The following SUCLG2 variants were observed in gnomAD, a reference collection of about 807,000 sequenced individuals.
The protein encoded by SUCLG2 is succinate-CoA ligase GDP-forming subunit beta.
A neutral mutation model predicts 47.9 loss-of-function variants in SUCLG2; 42 were observed. The ratio of observed to expected loss-of-function variants is 0.88; its 90% CI spans 0.69 to 1.14. SUCLG2 has a LOEUF of 1.14. Among genes scored for constraint, SUCLG2 ranks in the 50% most tolerant of loss-of-function variants. SUCLG2 has a pLI of 0.00. For missense variants in SUCLG2, 571 were observed against 525.9 expected (o/e 1.09, Z -0.84); for synonymous variants, 195 against 197.3 (o/e 0.99, Z 0.10).
At chr3:67,401,741 A>T (rs1702688245) in intron 9 of SUCLG2, among the ~76,000 whole-genome samples, 2 of 152,210 alleles carry the variant, frequency 1.3e-5, no homozygotes, top group Non-Finnish European at 2.9e-5. Context: ...AGGCATCAAA[A>T]TTCCAACAGT....
intron 10 of SUCLG2, among the ~76,000 whole-genome samples, chr3:67,395,587 T>A (rs1198387301): frequency 6.6e-6 from 1 of 152,098 alleles, no homozygotes; most frequent in Non-Finnish European, 1.5e-5. Context: ...CTTTAACACC[T>A]CACTGTCAAC....
In SUCLG2 at chr3:67,595,923, T is replaced by C. The variant is rs115255764; in HGVS notation, c.226+13532A>G. ...CTCTTTGTCTTGAAAAGGAAAAGAA[T>C]TGCATAAAGGTAAAACAAGATGAAT... On this transcript the variant is annotated intron_variant, in intron 2 of 10. Transcript: ENST00000307227. 6.6e-3 allele frequency among the ~76,000 whole-genome samples: 1,006 copies of C among 152,322 alleles called. 10 individuals are homozygous for C. The highest frequency in any genetic ancestry group is 0.022 in the African/African-American group (931 of 41,576).
At chr3:67,571,992 G>A (rs749425388) in intron 2 of SUCLG2, among the ~76,000 whole-genome samples, 1 of 152,118 alleles carries the variant, frequency 6.6e-6, no homozygotes, top group Non-Finnish European at 1.5e-5. Flanking sequence ...CAATGACAAA[G>A]GAAACAATCA....
At chr3:67,381,367 T>C (rs1406036146) in intron 10 of SUCLG2, among the ~76,000 whole-genome samples, 1 of 152,188 alleles carries the variant, frequency 6.6e-6, no homozygotes, top group Non-Finnish European at 1.5e-5. Flanking sequence ...GTTATTTTCT[T>C]CTTAATTCAC....
chr3:67,427,076 T>C (rs1024298572), intron 9 of SUCLG2, among the ~76,000 whole-genome samples: 3 of 152,234 alleles, frequency 2.0e-5, no homozygotes, highest in Admixed American at 1.3e-4. Context: ...AAAGGTTTTA[T>C]ATATTACCTG....
chr3:67,414,932 T>G (rs1396376492), intron 9 of SUCLG2, among the ~76,000 whole-genome samples: 8 of 152,208 alleles, frequency 5.3e-5, no homozygotes, highest in Admixed American at 1.3e-4. Flanking sequence ...CACAGCTCAT[T>G]GCAGACTTGA....
intron 10 of SUCLG2, 147 bp downstream of exon 10, chr3:67,400,584 G>C: frequency 2.1e-6 from 2 of 959,800 alleles, no homozygotes; most frequent in Non-Finnish European, 2.9e-6. Context: ...TAGAGGCCCA[G>C]GGAAGTCCTG....
At chr3:67,482,677 T>C (rs551192526) in intron 9 of SUCLG2, among the ~76,000 whole-genome samples, 12 of 152,120 alleles carry the variant, frequency 7.9e-5, no homozygotes, top group Non-Finnish European at 1.8e-4. Flanking sequence ...TATGAGGTGA[T>C]TTTGGTGTTT....
chr3:67,460,197 T>C (rs565328524), intron 9 of SUCLG2, among the ~76,000 whole-genome samples: 1 of 152,348 alleles, frequency 6.6e-6, no homozygotes, highest in East Asian at 1.9e-4. Flanking sequence ...GATTGAAGTC[T>C]TATTATTTCC....
intron 10 of SUCLG2, among the ~76,000 whole-genome samples, chr3:67,388,719 G>A (rs573090050): frequency 2.0e-5 from 3 of 152,326 alleles, no homozygotes; most frequent in African/African-American, 7.2e-5. Flanking sequence ...ACAAAAGTCA[G>A]TGCCTAGTGT....
chr3:67,634,268 C>T (rs1251949765), intron 1 of SUCLG2, among the ~76,000 whole-genome samples: 1 of 152,138 alleles, frequency 6.6e-6, no homozygotes, highest in African/African-American at 2.4e-5. Context: ...CTACCATCAC[C>T]AAGGTTACTA....
At chr3:67,423,596 T>C (rs1703226519) in intron 9 of SUCLG2, among the ~76,000 whole-genome samples, 1 of 152,156 alleles carries the variant, frequency 6.6e-6, no homozygotes, top group African/African-American at 2.4e-5. Flanking sequence ...CCTCACCTCT[T>C]GGAGCCCAAA....
chr3:67,404,124 T>C (rs1575673740), intron 9 of SUCLG2, among the ~76,000 whole-genome samples: 1 of 152,158 alleles, frequency 6.6e-6, no homozygotes, highest in East Asian at 1.9e-4. Flanking sequence ...CCTCTACTGA[T>C]CCTCCTGCCT....
chr3:67,390,111 C>A (rs1331080234), intron 10 of SUCLG2, among the ~76,000 whole-genome samples: 2 of 152,206 alleles, frequency 1.3e-5, no homozygotes, highest in African/African-American at 4.8e-5. Flanking sequence ...TTATCACAGT[C>A]TGAAGAACTG....
intron 9 of SUCLG2, among the ~76,000 whole-genome samples, chr3:67,406,553 GAAA>G (rs1702815036): frequency 2.0e-5 from 3 of 152,122 alleles, no homozygotes; most frequent in Admixed American, 2.0e-4. Flanking sequence ...AAGAGAGGGA[GAAA>G]AGTATCTTAA....
chr3:67,515,918 T>C (rs1705931911), intron 6 of SUCLG2, among the ~76,000 whole-genome samples: 1 of 152,146 alleles, frequency 6.6e-6, no homozygotes, highest in Admixed American at 6.6e-5. Flanking sequence ...TTCCAACATG[T>C]CTACAGCTGA....
At chr3:67,650,856 G>C (rs984664359) in intron 1 of SUCLG2, among the ~76,000 whole-genome samples, 1 of 152,320 alleles carries the variant, frequency 6.6e-6, no homozygotes, top group South Asian at 2.1e-4. Context: ...AATACCCTAA[G>C]AGACAACAAA....
intron 4 of SUCLG2, among the ~76,000 whole-genome samples, chr3:67,520,858 T>A (rs1461035683): frequency 6.6e-6 from 1 of 152,234 alleles, no homozygotes; most frequent in Non-Finnish European, 1.5e-5. Flanking sequence ...GACAGGTATT[T>A]CGTTTGCCTC....
chr3:67,454,007 T>C (rs1704121933), intron 9 of SUCLG2, among the ~76,000 whole-genome samples: 1 of 152,228 alleles, frequency 6.6e-6, no homozygotes, highest in Admixed American at 6.5e-5. Flanking sequence ...CTATTGTTCT[T>C]ACATAAAACT....
Sources: allele counts gnomAD v4.1 joint callset (sites outside exome capture counted in the v4.1 genomes callset), GRCh38; gene constraint gnomAD v4.1.1; transcripts MANE v1.5; gene names NCBI Gene and HGNC (gene_info 2026-07-23, HGNC 2026-07-21).